RUNX1: variants seen among roughly 807,000 people sequenced by gnomAD.
The protein encoded by RUNX1 is RUNX family transcription factor 1.
RUNX1 carries 19 observed loss-of-function variants against 42.8 expected under a neutral mutation model. The observed-to-expected ratio is 0.44, with a 90% CI of 0.31 to 0.65. The LOEUF (loss-of-function observed/expected upper bound fraction) is 0.65, where lower values mean the gene tolerates loss of function less well. RUNX1 is among the 30% of genes least tolerant of loss of function. The pLI, the probability that RUNX1 is intolerant of heterozygous loss-of-function variation, is 0.07. For missense variants in RUNX1, 528 were observed against 672.0 expected (o/e 0.79, Z 2.37); for synonymous variants, 271 against 289.4 (o/e 0.94, Z 0.64).
chr21:34,825,829 T>C (rs2056978926), intron 7 of RUNX1, among the ~76,000 whole-genome samples: 1 of 152,204 alleles, frequency 6.6e-6, no homozygotes, highest in South Asian at 2.1e-4. Flanking sequence ...GTAACATGTA[T>C]CCTTAGACAA....
intron 2 of RUNX1, among the ~76,000 whole-genome samples, chr21:34,954,624 T>A (rs2058631755): frequency 6.6e-6 from 1 of 152,308 alleles, no homozygotes; most frequent in African/African-American, 2.4e-5. Flanking sequence ...TAAGTGGGAA[T>A]AAGCTAACCT....
intron 2 of RUNX1, among the ~76,000 whole-genome samples, chr21:34,919,739 G>A (rs1403879842): frequency 6.6e-6 from 1 of 152,192 alleles, no homozygotes; most frequent in African/African-American, 2.4e-5. Flanking sequence ...GGTAACTGAT[G>A]CTTGATAATT....
chr21:34,846,620 T>C (rs1361989263), intron 6 of RUNX1, among the ~76,000 whole-genome samples: 1 of 151,938 alleles, frequency 6.6e-6, no homozygotes, highest in Non-Finnish European at 1.5e-5. Context: ...GGGCCAGACA[T>C]AGACTCCACG....
chr21:35,032,596 G>T (rs1233994233), intron 2 of RUNX1, among the ~76,000 whole-genome samples: 3 of 152,188 alleles, frequency 2.0e-5, no homozygotes, highest in African/African-American at 4.8e-5. Context: ...GAGCCAATCA[G>T]CTCATGGGCA....
rs2057777904 is a variant in RUNX1 at position 34,874,072 on chromosome 21, C to T, written c.508+6485G>A. Among the ~76,000 whole-genome samples the T allele has an allele frequency of 6.6e-5, 10 of 152,038 alleles. 1 individual carries two copies. In the South Asian group the frequency reaches 2.1e-3, roughly 32 times the overall value. On this transcript the variant is annotated intron_variant, in intron 5 of 8. Transcript: ENST00000675419. Reference sequence around the variant, plus strand: ...ATGTTATTAGCATGAATTTAGTCCTCAAAGATAATTTGGCCCAAGAAGTCT... The same window carrying T: ...ATGTTATTAGCATGAATTTAGTCCTTAAAGATAATTTGGCCCAAGAAGTCT...
intron 2 of RUNX1, among the ~76,000 whole-genome samples, chr21:35,020,734 T>C (rs562650300): frequency 6.6e-6 from 1 of 152,358 alleles, no homozygotes; most frequent in South Asian, 2.1e-4. Context: ...TCTAGGCTGA[T>C]GTGCAAGTGA....
intron 2 of RUNX1, among the ~76,000 whole-genome samples, chr21:35,042,557 G>A (rs1480916744): frequency 2.6e-5 from 4 of 152,230 alleles, no homozygotes; most frequent in Admixed American, 6.5e-5. Flanking sequence ...TGTGGCCTAA[G>A]CAATATGTCA....
chr21:34,874,056 G>A (rs567730595), intron 5 of RUNX1, among the ~76,000 whole-genome samples: 1 of 152,056 alleles, frequency 6.6e-6, no homozygotes, highest in East Asian at 1.9e-4. Flanking sequence ...GATGTTATTA[G>A]CATGAATTTA....
intron 2 of RUNX1, among the ~76,000 whole-genome samples, chr21:35,032,036 G>A (rs2059276910): frequency 6.6e-6 from 1 of 152,212 alleles, no homozygotes; most frequent in Non-Finnish European, 1.5e-5. Context: ...GGCCAAGCCT[G>A]GCTGAGAAGC....
chr21:34,800,529 ACTT>A (rs2056593543), intron 7 of RUNX1, among the ~76,000 whole-genome samples: 1 of 152,368 alleles, frequency 6.6e-6, no homozygotes, highest in Admixed American at 6.5e-5. Flanking sequence ...GGAAGAGCAG[ACTT>A]CTTTAGGAAA....
At chr21:34,987,413 C>T (rs1473579867) in intron 2 of RUNX1, among the ~76,000 whole-genome samples, 3 of 152,102 alleles carry the variant, frequency 2.0e-5, no homozygotes, top group Admixed American at 6.5e-5. Flanking sequence ...AGTCCCCAGG[C>T]GCCCAGCTTC....
chr21:34,973,933 C>A (rs2058781007), intron 2 of RUNX1, among the ~76,000 whole-genome samples: 2 of 152,172 alleles, frequency 1.3e-5, no homozygotes, highest in African/African-American at 2.4e-5. Flanking sequence ...TCCACAAGTG[C>A]ACTCTTCTAG....
At chr21:34,878,360 A>AAAT (rs1555898235) in intron 5 of RUNX1, among the ~76,000 whole-genome samples, 119 of 133,416 alleles carry the variant, frequency 8.9e-4, no homozygotes, top group Middle Eastern at 3.9e-3. Flanking sequence ...AAAAAAAAAA[A>AAAT]ATATATATAT....
At chr21:34,898,474 T>A (rs1301249998) in intron 2 of RUNX1, among the ~76,000 whole-genome samples, 1 of 152,200 alleles carries the variant, frequency 6.6e-6, no homozygotes, top group Admixed American at 6.5e-5. Flanking sequence ...GGAAGCCACA[T>A]ACCTAAGCCA....
chr21:34,903,502 T>C (rs1481339247), intron 2 of RUNX1, among the ~76,000 whole-genome samples: 1 of 152,192 alleles, frequency 6.6e-6, no homozygotes, highest in Non-Finnish European at 1.5e-5. Flanking sequence ...AGAAAGGGAA[T>C]ATAGAAGCTT....
At chr21:34,880,002 G>A (rs1415925301) in intron 5 of RUNX1, among the ~76,000 whole-genome samples, 1 of 152,102 alleles carries the variant, frequency 6.6e-6, no homozygotes, top group African/African-American at 2.4e-5. Context: ...AAATACAACA[G>A]GAAGATCATA....
intron 8 of RUNX1, among the ~76,000 whole-genome samples, chr21:34,793,635 C>A (rs979884354): frequency 6.6e-6 from 1 of 152,106 alleles, no homozygotes; most frequent in Non-Finnish European, 1.5e-5. Context: ...CCTGTGGTTG[C>A]TTTAGAGCCA....
At chr21:34,908,276 A>G (rs757116615) in intron 2 of RUNX1, among the ~76,000 whole-genome samples, 28 of 152,318 alleles carry the variant, frequency 1.8e-4, no homozygotes, top group Middle Eastern at 6.8e-3. Context: ...TGAGATGCAA[A>G]AGGGTAACTA....
At chr21:35,006,681 C>T (rs903359511) in intron 2 of RUNX1, among the ~76,000 whole-genome samples, 5 of 152,246 alleles carry the variant, frequency 3.3e-5, no homozygotes, top group African/African-American at 4.8e-5. Context: ...TCAATATTAT[C>T]GTTATTAATA....
Sources: allele counts gnomAD v4.1 joint callset (sites outside exome capture counted in the v4.1 genomes callset), GRCh38; gene constraint gnomAD v4.1.1; transcripts MANE v1.5; gene names NCBI Gene and HGNC (gene_info 2026-07-23, HGNC 2026-07-21).